Variants in HUWE1 observed in about 807,000 individuals in gnomAD.
HUWE1 encodes the protein E3 ubiquitin-protein ligase HUWE1.
In HUWE1, 18 loss-of-function variants were observed where a neutral mutation model predicts 299.4. The observed-to-expected ratio is 0.06, with a 90% confidence interval of 0.04 to 0.09. The LOEUF is 0.09. HUWE1 is among the 10% of genes least tolerant of loss of function. The probability of loss-of-function intolerance (pLI) is 1.00; values close to 1 mark genes in which losing one functional copy is unlikely to be tolerated. For missense variants in HUWE1, 1,832 were observed against 3,462.3 expected (o/e 0.53, Z 11.82); for synonymous variants, 1,317 against 1,286.1 (o/e 1.02, Z -0.51).
At chrX:53,640,203 A>G (rs2067489746) in intron 7 of HUWE1, among the ~76,000 whole-genome samples, 1 of 111,761 alleles carries the variant, frequency 8.9e-6, no homozygotes, top group Admixed American at 9.5e-5. Context: ...TACAAAAAAT[A>G]TAAAAAATTA....
At chrX:53,627,292 T>G in intron 17 of HUWE1, 118 bp downstream of exon 17, 1 of 456,640 alleles carries the variant, frequency 2.2e-6, no homozygotes, top group Non-Finnish European at 3.7e-6. Context: ...TTTTTGTTGC[T>G]GAAAGTATAT....
chrX:53,550,886 T>C lies in HUWE1; in HGVS notation c.9385+15A>G. 8.3e-7 allele frequency: 1 copy of C among 1,211,278 alleles called. No individual in the cohort carries two copies. On this transcript the variant is annotated intron_variant, in intron 65 of 83. Coordinates refer to ENST00000262854, the MANE Select transcript of HUWE1 (RefSeq NM_031407.7). ...TAAAGCTTTCCAGAGCCCTCCCACTTGCCTCCCTCTGTACCCGGGCTTCGG... is the reference window on the plus strand; with the variant it reads ...TAAAGCTTTCCAGAGCCCTCCCACTCGCCTCCCTCTGTACCCGGGCTTCGG...
rs782799349 is a variant in HUWE1, at chrX:53,588,346, G to C, written c.4614+36C>G. The C allele has an allele frequency of 2.5e-6, 3 of 1,183,681 alleles. No individual in the cohort carries two copies. In the East Asian group the frequency reaches 8.9e-5, roughly 35 times the overall value. On this transcript the variant is annotated intron_variant, in intron 37 of 83. Transcript: ENST00000262854. Reference sequence around the variant, plus strand: ...GTTAAGTGTTTGATAATTCTTTCATGAATGAATTACAAGGCCCCAAAGATC... The same window carrying C: ...GTTAAGTGTTTGATAATTCTTTCATCAATGAATTACAAGGCCCCAAAGATC...
chrX:53,614,442 C>CT, intron 23 of HUWE1, 92 bp downstream of exon 23: 1 of 680,550 alleles, frequency 1.5e-6, no homozygotes, highest in Non-Finnish European at 2.4e-6. Flanking sequence ...AACTCTCTTG[C>CT]TTTTTATAGA....
intron 29 of HUWE1, among the ~76,000 whole-genome samples, chrX:53,596,561 C>T (rs921355006): frequency 1.8e-5 from 2 of 111,756 alleles, no homozygotes; most frequent in African/African-American, 3.3e-5. Flanking sequence ...ATTTTGTAGC[C>T]ACGACCTGCT....
At chrX:53,538,268 CT>C in intron 77 of HUWE1, 68 bp downstream of exon 77, 4 of 759,091 alleles carry the variant, frequency 5.3e-6, no homozygotes, top group Non-Finnish European at 8.3e-6. Context: ...TCAAGAGTAA[CT>C]TCAGAGGCGA....
intron 26 of HUWE1, among the ~76,000 whole-genome samples, chrX:53,603,708 C>T (rs1238940292): frequency 8.9e-6 from 1 of 112,231 alleles, no homozygotes; most frequent in African/African-American, 3.2e-5. Flanking sequence ...ATTTCCACAA[C>T]ATCCGTTCTC....
chrX:53,556,578 T>A (rs2062028894), intron 60 of HUWE1, among the ~76,000 whole-genome samples: 1 of 111,525 alleles, frequency 9.0e-6, no homozygotes, highest in African/African-American at 3.3e-5. Flanking sequence ...ATGAACCAAC[T>A]GATAGAATCA....
In HUWE1 at chrX:53,648,544, A is replaced by AC. The variant is rs60084410; in HGVS notation, c.46-235_46-234insG. 0.11 allele frequency among the ~76,000 whole-genome samples: 11,311 copies of AC among 101,122 alleles called. 2,152 individuals are homozygous for AC. The highest frequency in any genetic ancestry group is 0.47 in the African/African-American group (10,430 of 22,049). The allele number at this position is 101,122 out of a possible 115,157, so 87.8% of individuals were successfully genotyped here. A position where few individuals can be genotyped will look rare whatever the true frequency, so the allele number is the denominator to read the frequency against. On this transcript the variant is annotated intron_variant, in intron 4 of 83. Transcript: ENST00000262854. ...GGCTTAAAAAACAAAAAAAAACAAA[A>AC]AAAAACAAAAAACAAAACAAAAACC...
intron 3 of HUWE1, among the ~76,000 whole-genome samples, chrX:53,679,553 G>A (rs1557052374): frequency 8.9e-6 from 1 of 111,744 alleles, no homozygotes; most frequent in South Asian, 3.7e-4. Context: ...ACTTTGGGAG[G>A]CCAAGAAGGG....
In HUWE1 at chrX:53,533,336, C is replaced by T. The variant is rs782007150; in HGVS notation, c.13098G>A (p.Glu4366=). ...LRHMLLLAIQ[E]CSEGFGLA is the part of the protein sequence containing the mutation. Reference sequence around the variant, plus strand: ...AGGCCAGCCCAAAGCCTTCAGAGCACTCCTGGATAGCCAACAGTAGCATGT... The same window carrying T: ...AGGCCAGCCCAAAGCCTTCAGAGCATTCCTGGATAGCCAACAGTAGCATGT... The change falls in exon 84 of 84, where the codon GAG becomes GAA. Residue 4366 remains glutamate (E), a synonymous_variant. Transcript: ENST00000262854. 7.0e-5 allele frequency: 84 copies of T among 1,205,832 alleles called. No individual in the cohort carries two copies. The highest frequency in any genetic ancestry group is 8.9e-5 in the Non-Finnish European group (79 of 892,277).
intron 43 of HUWE1, among the ~76,000 whole-genome samples, chrX:53,578,696 C>T (rs1556962648): frequency 1.2e-5 from 1 of 80,716 alleles, no homozygotes; most frequent in African/African-American, 4.8e-5. Flanking sequence ...CAGCCCCCCG[C>T]CTGGCCAGCC....
chrX:53,683,212 T>G (rs1415103820), intron 2 of HUWE1, among the ~76,000 whole-genome samples: 1 of 110,831 alleles, frequency 9.0e-6, no homozygotes, highest in Non-Finnish European at 1.9e-5. Context: ...CCCCCCTCCC[T>G]TAAATACCAG....
Position 53,631,550 on chromosome X carries a change from T to A in HUWE1, c.693+17A>T, listed in dbSNP as rs1320247645. The A allele has an allele frequency of 1.7e-6, 2 of 1,186,604 alleles. No individual in the cohort carries two copies. Among genetic ancestry groups the A allele is most frequent in the Non-Finnish European group, 1.1e-6 (1 of 875,229 alleles). ...CAAACATTAAGAAACGAGCCAAGAG[T>A]CAAAGATTCCTCTTACCTTGTCAAG... On this transcript the variant is annotated intron_variant, in intron 10 of 83. Transcript: ENST00000262854.
chrX:53,545,446 G>A (rs1235567453), intron 70 of HUWE1, among the ~76,000 whole-genome samples: 1 of 111,846 alleles, frequency 8.9e-6, no homozygotes, highest in Non-Finnish European at 1.9e-5. Context: ...GACCATGGTT[G>A]AAATCCCATA....
intron 23 of HUWE1, among the ~76,000 whole-genome samples, chrX:53,610,590 G>GC (rs2065397833): frequency 9.0e-6 from 1 of 111,578 alleles, no homozygotes; most frequent in Non-Finnish European, 1.9e-5. Context: ...CCCAGCTCAT[G>GC]CCCCCATCAA....
intron 23 of HUWE1, among the ~76,000 whole-genome samples, chrX:53,611,692 T>C (rs960913464): frequency 9.1e-6 from 1 of 109,704 alleles, no homozygotes; most frequent in East Asian, 2.8e-4. Flanking sequence ...ACCCCATCTC[T>C]ACTAAAAATA....
chrX:53,658,887 AAATGGGCC>A (rs1352251828), intron 3 of HUWE1, among the ~76,000 whole-genome samples: 1 of 112,976 alleles, frequency 8.9e-6, no homozygotes, highest in African/African-American at 3.2e-5. Flanking sequence ...GCTGATTTAA[AAATGGGCC>A]AATGGGCCAA....
At chrX:53,597,216 TC>T (rs1233009935) in intron 29 of HUWE1, among the ~76,000 whole-genome samples, 1 of 110,645 alleles carries the variant, frequency 9.0e-6, no homozygotes, top group Non-Finnish European at 1.9e-5. Flanking sequence ...AGAAGCAGCT[TC>T]TGACAACCAA....
Sources: gnomAD v4.1 joint callset for allele counts (sites outside exome capture counted in the v4.1 genomes callset) on GRCh38, gnomAD v4.1.1 for gene constraint, MANE v1.5 for transcripts, NCBI Gene and HGNC (gene_info 2026-07-23, HGNC 2026-07-21) for gene names.